The following EBF3 variants were observed in gnomAD, a reference collection of about 807,000 sequenced individuals.
The protein encoded by EBF3 is EBF transcription factor 3.
A neutral mutation model predicts 77.1 loss-of-function variants in EBF3; 18 were observed. That is an observed-to-expected ratio of 0.23 (90% CI 0.16 to 0.35). The LOEUF is 0.35. Among genes scored for constraint, EBF3 ranks in the 10% least tolerant of loss-of-function variants. The probability of loss-of-function intolerance (pLI) is 1.00; values close to 1 mark genes in which losing one functional copy is unlikely to be tolerated. For synonymous variants in EBF3, 350 were observed against 343.5 expected (o/e 1.02, Z -0.21); for missense variants, 558 against 860.0 (o/e 0.65, Z 4.39).
chr10:129,934,158 A>G (rs1857204743), intron 6 of EBF3, among the ~76,000 whole-genome samples: 1 of 152,120 alleles, frequency 6.6e-6, no homozygotes, highest in African/African-American at 2.4e-5. Flanking sequence ...CTCAGGGCCT[A>G]GTATTAATAT....
rs1851613201 is a variant in EBF3, at chr10:129,861,254, C to T, written c.1039+5887G>A. Among the ~76,000 whole-genome samples the T allele has an allele frequency of 6.6e-6, 1 of 152,146 alleles. No individual in the cohort carries two copies. Among genetic ancestry groups the T allele is most frequent in the African/African-American group, 2.4e-5 (1 of 41,436 alleles). ...GGGGCCCTGAGGACCCTTGAAATGA[C>T]CCCAGTGATGGCAGTGGGCCTCACT... On this transcript the variant is annotated intron_variant, in intron 10 of 16. Coordinates refer to ENST00000440978, the MANE Select transcript of EBF3 (RefSeq NM_001375380.1). The surrounding 1 kb of genome is among the most constrained non-coding windows in gnomAD (Gnocchi z 4.3).
chr10:129,929,086 T>G (rs1260827720), intron 6 of EBF3, among the ~76,000 whole-genome samples: 1 of 152,202 alleles, frequency 6.6e-6, no homozygotes, highest in African/African-American at 2.4e-5. Flanking sequence ...TTTCATTCCT[T>G]GATAGGACTC....
chr10:129,964,001 G>A lies in EBF3; in HGVS notation c.-233C>T. The A allele has an allele frequency of 1.0e-6, 1 of 985,090 alleles. No individual in the cohort carries two copies. The highest frequency in any genetic ancestry group is 1.2e-6 in the Non-Finnish European group (1 of 829,806). The allele number at this position is 985,090 out of a possible 1,614,324, so 61.0% of individuals were successfully genotyped here. On this transcript the variant is annotated 5_prime_UTR_variant, in exon 1 of 17. Coordinates refer to ENST00000440978, the MANE Select transcript of EBF3 (RefSeq NM_001375380.1). This position sits in a 1 kb window ranked among gnomAD's most constrained non-coding sequence, Gnocchi z 4.5. ...GCTCCACCGGCGGCGGCGGCGCTTC[G>A]AAGGAGCAGGACGCGGTGGCCGCGG...
chr10:129,912,570 G>A (rs188025755), intron 6 of EBF3, among the ~76,000 whole-genome samples: 8 of 152,276 alleles, frequency 5.3e-5, no homozygotes, highest in Middle Eastern at 3.4e-3. Flanking sequence ...TGACATGATG[G>A]CAAAGTGAGT....
intron 8 of EBF3, among the ~76,000 whole-genome samples, chr10:129,869,993 A>AC (rs1491549374): frequency 3.0e-4 from 1 of 3,348 alleles, no homozygotes; most frequent in East Asian, 1.8e-3. Context: ...AATAATTCAC[A>AC]AAAAAAAAAA....
chr10:129,957,350 G>A (rs770327882), intron 5 of EBF3, 24 bp from the exon 6 acceptor site: 1 of 1,562,632 alleles, frequency 6.4e-7, no homozygotes, highest in South Asian at 1.2e-5. Context: ...GTAAACAGTG[G>A]TTTTAATATG....
chr10:129,907,998 T>C (rs1212111402), intron 6 of EBF3, among the ~76,000 whole-genome samples: 1 of 152,188 alleles, frequency 6.6e-6, no homozygotes, highest in Non-Finnish European at 1.5e-5. Context: ...CACTGAGCCA[T>C]GGATCCATAA....
At position 129,837,484 on chromosome 10, in the gene EBF3, A is replaced by G. The variant is rs188276602; in HGVS notation, c.*459T>C. On this transcript the variant is annotated 3_prime_UTR_variant, in exon 17 of 17. Transcript: ENST00000440978. ...ACCACAAAAAAATATTTCACATTAT[A>G]GAGATACACAACCATTGTGAATCTA... 5.1e-4 allele frequency: 84 copies of G among 163,754 alleles called. No homozygotes were observed. The East Asian group carries it at 0.011, about 22-fold the overall frequency. The allele number at this position is 163,754 out of a possible 1,614,324, so 10.1% of individuals were successfully genotyped here.
At position 129,942,137 on chromosome 10, in the gene EBF3, A is replaced by G. The variant is rs924382285; in HGVS notation, c.554+15121T>C. Reference sequence around the variant, plus strand: ...TCTCTCAGCATGGACGGCTCCCTGCAGGTTCTTAGCACTAACTGATTTTCA... The same window carrying G: ...TCTCTCAGCATGGACGGCTCCCTGCGGGTTCTTAGCACTAACTGATTTTCA... On this transcript the variant is annotated intron_variant, in intron 6 of 16. Coordinates refer to ENST00000440978, the MANE Select transcript of EBF3 (RefSeq NM_001375380.1). 6.6e-5 allele frequency among the ~76,000 whole-genome samples: 10 copies of G among 152,346 alleles called. No homozygotes were observed. In the Middle Eastern group the frequency reaches 0.01, roughly 155 times the overall value.
chr10:129,877,959 T>G (rs1355049358), intron 6 of EBF3, 110 bp from the exon 7 acceptor site: 1 of 815,360 alleles, frequency 1.2e-6, no homozygotes, highest in Non-Finnish European at 1.9e-6. Flanking sequence ...CCCCACAGCT[T>G]CCACACTTCC....
At chr10:129,909,134 T>A (rs903317765) in intron 6 of EBF3, among the ~76,000 whole-genome samples, 1 of 152,154 alleles carries the variant, frequency 6.6e-6, no homozygotes, top group Non-Finnish European at 1.5e-5. Flanking sequence ...GGTGGCTCTT[T>A]TATCCTTTAA....
Position 129,843,072 on chromosome 10 carries a change from C to T in EBF3, c.1194+65G>A, listed in dbSNP as rs1027928121. ...GTCCAGAAAGCCCACACTGGAGCCA[C>T]GCCGGCTGCCCACGGGTTCTGGCAT... is the stretch of plus-strand genomic sequence containing the variant. On this transcript the variant is annotated intron_variant, in intron 12 of 16. Transcript: ENST00000440978. 7.2e-6 allele frequency: 11 copies of T among 1,534,856 alleles called. No homozygotes were observed. In the East Asian group the frequency reaches 9.3e-5, roughly 13 times the overall value.
intron 10 of EBF3, among the ~76,000 whole-genome samples, chr10:129,852,400 G>A (rs535566727): frequency 7.2e-5 from 11 of 152,336 alleles, no homozygotes; most frequent in African/African-American, 2.6e-4. Context: ...TGTGGCAGCA[G>A]AAATGGCATC....
rs532906521 is a variant in EBF3, at chr10:129,841,294, G to A, written c.1373-262C>T. ...CGATCTCGCCGTCAGTGGCTTTCACGTTTCTCTTTAGAGGCAATTATCAAC... is the reference window on the plus strand; with the variant it reads ...CGATCTCGCCGTCAGTGGCTTTCACATTTCTCTTTAGAGGCAATTATCAAC... On this transcript the variant is annotated intron_variant, in intron 13 of 16. Coordinates refer to ENST00000440978, the MANE Select transcript of EBF3 (RefSeq NM_001375380.1). This position sits in a 1 kb window ranked among gnomAD's most constrained non-coding sequence, Gnocchi z 4.6. 2.2e-4 allele frequency among the ~76,000 whole-genome samples: 33 copies of A among 152,200 alleles called. No homozygotes were observed. Among genetic ancestry groups the A allele is most frequent in the Admixed American group, 9.8e-4 (15 of 15,286 alleles).
In EBF3 at chr10:129,963,981, A is replaced by G; in HGVS notation, c.-213T>C. 9.8e-7 allele frequency: 1 copy of G among 1,019,306 alleles called. No individual in the cohort carries two copies. Among genetic ancestry groups the G allele is most frequent in the Non-Finnish European group, 1.2e-6 (1 of 853,862 alleles). The allele number at this position is 1,019,306 out of a possible 1,614,324, so 63.1% of individuals were successfully genotyped here. A position where few individuals can be genotyped will look rare whatever the true frequency, so the allele number is the denominator to read the frequency against. The stretch of plus-strand genomic sequence containing the variant: ...CGGCCAGGGGCGCGGAGGCGGCTCC[A>G]CCGGCGGCGGCGGCGCTTCGAAGGA... On this transcript the variant is annotated 5_prime_UTR_variant, in exon 1 of 17. Coordinates refer to ENST00000440978, the MANE Select transcript of EBF3 (RefSeq NM_001375380.1). The surrounding 1 kb of genome is among the most constrained non-coding windows in gnomAD (Gnocchi z 7.1).
At chr10:129,869,992 CAA>C (rs10717599) in intron 8 of EBF3, among the ~76,000 whole-genome samples, 108 of 149,104 alleles carry the variant, frequency 7.2e-4, no homozygotes, top group African/African-American at 2.2e-3. Context: ...AAATAATTCA[CAA>C]AAAAAAAAAA....
chr10:129,854,066 CT>C (rs918921089), intron 10 of EBF3, among the ~76,000 whole-genome samples: 2 of 150,524 alleles, frequency 1.3e-5, no homozygotes, highest in South Asian at 2.2e-4. Context: ...TAGCTCCCCC[CT>C]GAATACCTTG....
At chr10:129,904,472 G>T (rs145911766) in intron 6 of EBF3, among the ~76,000 whole-genome samples, 121 of 152,020 alleles carry the variant, frequency 8.0e-4, no homozygotes, top group African/African-American at 2.7e-3. Flanking sequence ...ACAGACAAAT[G>T]GAAGATAGAT....
At chr10:129,895,212 TTCACTCAACCACTGCC>T (rs1236492535) in intron 6 of EBF3, among the ~76,000 whole-genome samples, 1 of 152,224 alleles carries the variant, frequency 6.6e-6, no homozygotes, top group African/African-American at 2.4e-5. Flanking sequence ...ACCTCATGCC[TTCACTCAACCACTGCC>T]TCACCAGCAG....
Sources: allele counts gnomAD v4.1 joint callset (sites outside exome capture counted in the v4.1 genomes callset), GRCh38; gene constraint gnomAD v4.1.1; non-coding constraint Gnocchi (gnomAD v3.1); transcripts MANE v1.5; gene names NCBI Gene and HGNC (gene_info 2026-07-23, HGNC 2026-07-21).